Variants in CPAMD8 observed in about 807,000 individuals in gnomAD.
CPAMD8 encodes C3 and PZP-like alpha-2-macroglobulin domain-containing protein 8.
Under a neutral mutation model 224.7 loss-of-function variants are expected in CPAMD8, and 146 were observed. The ratio of observed to expected loss-of-function variants is 0.65; its 90% CI spans 0.57 to 0.75. The LOEUF is 0.75. CPAMD8 is among the 30% of genes least tolerant of loss of function. The pLI is 0.00. For synonymous variants in CPAMD8, 966 were observed against 1,044.6 expected (o/e 0.92, Z 1.45); for missense variants, 2,301 against 2,537.5 (o/e 0.91, Z 2.00).
intron 19 of CPAMD8, among the ~76,000 whole-genome samples, chr19:16,956,381 C>G (rs2054472919): frequency 6.6e-6 from 1 of 152,164 alleles, no homozygotes; most frequent in Non-Finnish European, 1.5e-5. Context: ...ATTCCACCAT[C>G]TTTCTCTGCC....
At chr19:16,990,497 G>A (rs2055901046) in intron 12 of CPAMD8, among the ~76,000 whole-genome samples, 1 of 151,914 alleles carries the variant, frequency 6.6e-6, no homozygotes, top group Non-Finnish European at 1.5e-5. Context: ...GTTCAAAGCT[G>A]CAATTTAGCT....
rs1009344504 is a variant in CPAMD8 at position 16,898,389 on chromosome 19, G to A, written c.4849-395C>T. 7.2e-5 allele frequency among the ~76,000 whole-genome samples: 11 copies of A among 151,740 alleles called. No individual in the cohort carries two copies. The highest frequency in any genetic ancestry group is 1.0e-4 in the Non-Finnish European group (7 of 67,912). Reference sequence around the variant, plus strand: ...TCCAACTCCTGCCCTCAAGTGATCCGCCTCGGTCCCATTTTTTATTCTTTG... The same window carrying A: ...TCCAACTCCTGCCCTCAAGTGATCCACCTCGGTCCCATTTTTTATTCTTTG... On this transcript the variant is annotated intron_variant, in intron 37 of 41. Transcript: ENST00000443236. The surrounding 1 kb of genome is among the most constrained non-coding windows in gnomAD (Gnocchi z 4.2).
chr19:17,018,682 T>C (rs1367687709), intron 3 of CPAMD8, among the ~76,000 whole-genome samples: 2 of 151,128 alleles, frequency 1.3e-5, no homozygotes, highest in Non-Finnish European at 2.9e-5. Context: ...CAGACCAGTC[T>C]GGCCAACATG....
intron 13 of CPAMD8, among the ~76,000 whole-genome samples, chr19:16,989,199 G>A (rs1341130644): frequency 1.3e-5 from 2 of 152,008 alleles, no homozygotes; most frequent in Non-Finnish European, 2.9e-5. Flanking sequence ...ACCATCCCCC[G>A]TGCCCGTGCC....
intron 9 of CPAMD8, among the ~76,000 whole-genome samples, chr19:17,002,062 G>T (rs1334088911): frequency 6.6e-6 from 1 of 151,052 alleles, no homozygotes; most frequent in Non-Finnish European, 1.5e-5. Context: ...CTGAGGAGGG[G>T]GCGCCTACTG....
intron 8 of CPAMD8, 79 bp from the exon 9 acceptor site, chr19:17,002,429 G>A (rs137946807): frequency 8.9e-6 from 8 of 902,640 alleles, no homozygotes; most frequent in South Asian, 7.2e-5. Flanking sequence ...GGTGCAAGGT[G>A]TCTGAGGACC....
In CPAMD8 at chr19:16,977,554, A is replaced by C. The variant is rs1380930117; in HGVS notation, c.1586-14T>G. The stretch of plus-strand genomic sequence containing the variant: ...CTGGTGGGGGCTCTGAGGTGAGCAA[A>C]AGTAGAGAGAGGTGGTGAATTCTCC... On this transcript the variant is annotated splice_polypyrimidine_tract_variant and intron_variant, in intron 14 of 41. Coordinates refer to ENST00000443236, the MANE Select transcript of CPAMD8 (RefSeq NM_015692.5). 1 of 1,563,280 alleles carries C rather than the reference A, an allele frequency of 6.4e-7. No individual in the cohort carries two copies. Among genetic ancestry groups the C allele is most frequent in the African/African-American group, 1.4e-5 (1 of 72,038 alleles).
intron 1 of CPAMD8, among the ~76,000 whole-genome samples, chr19:17,024,334 C>T (rs2057026855): frequency 6.6e-6 from 1 of 152,188 alleles, no homozygotes; most frequent in Admixed American, 6.5e-5. Context: ...ACTCTAGGAC[C>T]AACTGGAGTT....
intron 19 of CPAMD8, chr19:16,957,560 T>C (rs1376702282): frequency 6.3e-6 from 2 of 318,738 alleles, no homozygotes; most frequent in Admixed American, 4.6e-5. Context: ...CAGGGAACTG[T>C]AATCATTTTA....
chr19:16,974,996 C>T, intron 17 of CPAMD8, 101 bp downstream of exon 17: 3 of 1,430,948 alleles, frequency 2.1e-6, no homozygotes, highest in South Asian at 1.4e-5. Flanking sequence ...AGAAAAGCTT[C>T]CAATTCTGTT....
Position 16,897,952 on chromosome 19 carries a change from G to T in CPAMD8, c.4891C>A (p.Arg1631=). ...CLTCVRFRAL[R]ECVVGRTSAL... ...GACGTCCTGCCCACCACGCACTCCC[G>T]GAGAGCACGGAACCGCACGCACGTC... The change falls in exon 38 of 42, where the codon CGG becomes AGG. Residue 1631 remains arginine (R), a synonymous_variant. Coordinates refer to ENST00000443236, the MANE Select transcript of CPAMD8 (RefSeq NM_015692.5). The T allele has an allele frequency of 6.2e-7, 1 of 1,611,382 alleles. No individual in the cohort carries two copies. The highest frequency in any genetic ancestry group is 8.5e-7 in the Non-Finnish European group (1 of 1,179,434).
chr19:16,987,169 AAAAAAAAAAAATATAT>A (rs1392634515), intron 13 of CPAMD8, among the ~76,000 whole-genome samples: 9 of 97,022 alleles, frequency 9.3e-5, no homozygotes, highest in African/African-American at 2.0e-4. Context: ...AAAAAAAAAA[AAAAAAAAAAAATATAT>A]ATATATATAT....
Position 16,907,200 on chromosome 19 carries a change from G to A in CPAMD8, c.3862-83C>T, listed in dbSNP as rs1167149922. 1.3e-5 allele frequency: 18 copies of A among 1,371,744 alleles called. No homozygotes were observed. The Admixed American group carries it at 2.0e-4, about 15-fold the overall frequency. 85.0% of individuals were successfully genotyped at this position (1,371,744 alleles called of 1,614,324 possible). On this transcript the variant is annotated intron_variant, in intron 29 of 41. Coordinates refer to ENST00000443236, the MANE Select transcript of CPAMD8 (RefSeq NM_015692.5). ...ACCCACTGGCTTCTGAGGCATCCCC[G>A]AGGAGAGCTCTGGGTGACTCCTAGC...
intron 3 of CPAMD8, among the ~76,000 whole-genome samples, chr19:17,014,410 C>A (rs572911782): frequency 2.2e-4 from 34 of 152,180 alleles, no homozygotes; most frequent in African/African-American, 7.7e-4. Context: ...GCATGTGAGT[C>A]ATGCACTATA....
intron 19 of CPAMD8, among the ~76,000 whole-genome samples, chr19:16,953,352 A>G (rs2054357777): frequency 6.6e-6 from 1 of 151,932 alleles, no homozygotes; most frequent in Admixed American, 6.6e-5. Flanking sequence ...AAAAAAAAAA[A>G]AAAGAGTAGA....
At chr19:17,014,515 T>C (rs374856558) in intron 3 of CPAMD8, among the ~76,000 whole-genome samples, 6 of 152,314 alleles carry the variant, frequency 3.9e-5, no homozygotes, top group African/African-American at 1.4e-4. Context: ...GACTGGGTAA[T>C]TTATAAAGAA....
At chr19:16,988,265 G>A (rs148288894) in intron 13 of CPAMD8, among the ~76,000 whole-genome samples, 89 of 152,278 alleles carry the variant, frequency 5.8e-4, no homozygotes, top group African/African-American at 1.7e-3. Flanking sequence ...CTGGGGCAGA[G>A]TGGTGATCAT....
intron 35 of CPAMD8, among the ~76,000 whole-genome samples, chr19:16,901,654 A>G (rs1359302430): frequency 3.3e-5 from 5 of 152,186 alleles, no homozygotes; most frequent in African/African-American, 9.6e-5. Context: ...CAGGTGCTTC[A>G]ACACTGCCAC....
At position 16,951,517 on chromosome 19, in the gene CPAMD8, T is replaced by C. The variant is rs181492943; in HGVS notation, c.2508+452A>G. 2.2e-3 allele frequency among the ~76,000 whole-genome samples: 337 copies of C among 152,158 alleles called. 2 individuals carry two copies. The highest frequency in any genetic ancestry group is 4.9e-3 in the Admixed American group (75 of 15,274). The stretch of plus-strand genomic sequence containing the variant: ...TTGCTTTTATGCTATAAGGGCTGAG[T>C]TGAGTCGCTGCCACAGGGATTGTGT... On this transcript the variant is annotated intron_variant, in intron 20 of 41. Coordinates refer to ENST00000443236, the MANE Select transcript of CPAMD8 (RefSeq NM_015692.5).
Sources: allele counts gnomAD v4.1 joint callset (sites outside exome capture counted in the v4.1 genomes callset), GRCh38; gene constraint gnomAD v4.1.1; non-coding constraint Gnocchi (gnomAD v3.1); transcripts MANE v1.5; gene names NCBI Gene and HGNC (gene_info 2026-07-23, HGNC 2026-07-21).